NEGR1: variants seen among roughly 807,000 people sequenced by gnomAD.
NEGR1 encodes the protein IgLON family member 4.
A neutral mutation model predicts 40.9 loss-of-function variants in NEGR1; 10 were observed. The observed-to-expected ratio is 0.24, with a 90% CI of 0.15 to 0.42. NEGR1 has a LOEUF of 0.42. NEGR1 is among the 10% of genes least tolerant of loss of function. NEGR1 has a pLI of 1.00. For synonymous variants in NEGR1, 185 were observed against 166.8 expected (o/e 1.11, Z -0.84); for missense variants, 352 against 438.9 (o/e 0.80, Z 1.77).
chr1:72,133,146 C>A (rs1044586813), intron 1 of NEGR1, among the ~76,000 whole-genome samples: 1 of 151,994 alleles, frequency 6.6e-6, no homozygotes, highest in African/African-American at 2.4e-5. Flanking sequence ...ACCTGTAAAT[C>A]AATCCATATC....
intron 2 of NEGR1, among the ~76,000 whole-genome samples, chr1:71,832,461 A>G (rs1226254432): frequency 6.6e-6 from 1 of 152,036 alleles, no homozygotes; most frequent in Non-Finnish European, 1.5e-5. Context: ...CATGTGTCAA[A>G]CCAAATTAAA....
At chr1:72,036,305 T>A (rs149451551) in intron 1 of NEGR1, among the ~76,000 whole-genome samples, 30 of 152,184 alleles carry the variant, frequency 2.0e-4, no homozygotes, top group African/African-American at 6.5e-4. Flanking sequence ...TTTACATGTG[T>A]GTAAAGCCCT....
intron 2 of NEGR1, among the ~76,000 whole-genome samples, chr1:71,878,970 C>T (rs550575101): frequency 1.3e-5 from 2 of 152,082 alleles, no homozygotes; most frequent in East Asian, 1.9e-4. Context: ...CCCGTCTCTA[C>T]TAAAAATATA....
intron 3 of NEGR1, among the ~76,000 whole-genome samples, chr1:71,728,593 C>T (rs1394174318): frequency 1.3e-5 from 2 of 151,834 alleles, no homozygotes; most frequent in Non-Finnish European, 2.9e-5. Flanking sequence ...TCTAACGTTG[C>T]TTTTTTCTCT....
intron 1 of NEGR1, among the ~76,000 whole-genome samples, chr1:72,080,144 C>A (rs928494445): frequency 1.3e-5 from 2 of 152,066 alleles, no homozygotes; most frequent in South Asian, 2.1e-4. Context: ...GTCTTCACAA[C>A]TGATATTTGA....
intron 4 of NEGR1, among the ~76,000 whole-genome samples, chr1:71,684,943 C>T (rs1652977174): frequency 1.3e-5 from 2 of 152,118 alleles, no homozygotes; most frequent in African/African-American, 4.8e-5. Context: ...TTTTGAATTG[C>T]TTCAATACAT....
chr1:72,126,169 G>A (rs1650015803), intron 1 of NEGR1, among the ~76,000 whole-genome samples: 1 of 151,576 alleles, frequency 6.6e-6, no homozygotes. Flanking sequence ...CGGAGAGAGG[G>A]AGAGAGAACG....
At chr1:71,842,523 T>C (rs1430657673) in intron 2 of NEGR1, among the ~76,000 whole-genome samples, 5 of 152,164 alleles carry the variant, frequency 3.3e-5, no homozygotes, top group Non-Finnish European at 7.4e-5. Flanking sequence ...TTTTTCATTA[T>C]AGTTAGTAAA....
At position 72,028,285 on chromosome 1, in the gene NEGR1, T is replaced by C. The variant is rs143149479; in HGVS notation, c.177-92974A>G. Reference sequence around the variant, plus strand: ...CAGCTTTCAAGTGGACTCTGTGTCATCCTTGCTTTAATCTTTCACCTCTAT... The same window carrying C: ...CAGCTTTCAAGTGGACTCTGTGTCACCCTTGCTTTAATCTTTCACCTCTAT... On this transcript the variant is annotated intron_variant, in intron 1 of 6. Transcript: ENST00000357731. Among the ~76,000 whole-genome samples the C allele has an allele frequency of 4.1e-3, 629 of 152,294 alleles. 7 individuals carry two copies. The highest frequency in any genetic ancestry group is 0.014 in the African/African-American group (602 of 41,560).
chr1:71,756,238 G>A (rs923622981), intron 3 of NEGR1, among the ~76,000 whole-genome samples: 1 of 151,994 alleles, frequency 6.6e-6, no homozygotes, highest in African/African-American at 2.4e-5. Context: ...TCTGAAAAGT[G>A]TCATCTAAGA....
At chr1:71,430,325 C>G (rs1288831194) in intron 6 of NEGR1, among the ~76,000 whole-genome samples, 1 of 152,170 alleles carries the variant, frequency 6.6e-6, no homozygotes, top group Non-Finnish European at 1.5e-5. Flanking sequence ...GACCTGGCCT[C>G]TGCTGGGTAT....
chr1:71,975,796 T>TA (rs1432095106), intron 1 of NEGR1, among the ~76,000 whole-genome samples: 2 of 152,228 alleles, frequency 1.3e-5, no homozygotes, highest in Non-Finnish European at 2.9e-5. Context: ...AAACTTTAGA[T>TA]AAAATAGATA....
chr1:71,532,411 T>C (rs1647383869), intron 6 of NEGR1, among the ~76,000 whole-genome samples: 1 of 151,582 alleles, frequency 6.6e-6, no homozygotes, highest in South Asian at 2.1e-4. Flanking sequence ...TACTATAATA[T>C]TGCAAGAGTA....
intron 3 of NEGR1, among the ~76,000 whole-genome samples, chr1:71,755,031 C>A (rs1266775225): frequency 6.6e-6 from 1 of 152,172 alleles, no homozygotes; most frequent in Non-Finnish European, 1.5e-5. Context: ...CTTCATATAT[C>A]CAATTATTCA....
At chr1:72,171,310 AAATTTGTGTGC>A in intron 1 of NEGR1, among the ~76,000 whole-genome samples, 1 of 152,208 alleles carries the variant, frequency 6.6e-6, no homozygotes, top group East Asian at 1.9e-4. Context: ...ATATCTCTCT[AAATTTGTGTGC>A]ATACATGGAA....
intron 1 of NEGR1, among the ~76,000 whole-genome samples, chr1:72,004,499 G>A (rs1334650656): frequency 6.6e-6 from 1 of 151,994 alleles, no homozygotes; most frequent in Non-Finnish European, 1.5e-5. Context: ...TGTCAGGCTG[G>A]TCTCAGACTC....
At chr1:71,442,965 G>A (rs1474685648) in intron 6 of NEGR1, among the ~76,000 whole-genome samples, 2 of 152,140 alleles carry the variant, frequency 1.3e-5, no homozygotes, top group African/African-American at 4.8e-5. Flanking sequence ...GTTACTTTGT[G>A]GATCTGTACA....
chr1:71,854,681 GAGA>G (rs1242193206), intron 2 of NEGR1, among the ~76,000 whole-genome samples: 2 of 152,046 alleles, frequency 1.3e-5, no homozygotes, highest in African/African-American at 4.8e-5. Flanking sequence ...GAAGGCAAAG[GAGA>G]AGAAGGCACC....
intron 1 of NEGR1, among the ~76,000 whole-genome samples, chr1:72,139,572 T>C (rs761584916): frequency 5.9e-5 from 9 of 152,030 alleles, no homozygotes; most frequent in Non-Finnish European, 1.2e-4. Context: ...AAACAAAATA[T>C]GAAAGCACAC....
Sources: allele counts gnomAD v4.1 joint callset (sites outside exome capture counted in the v4.1 genomes callset), GRCh38; gene constraint gnomAD v4.1.1; transcripts MANE v1.5; gene names NCBI Gene and HGNC (gene_info 2026-07-23, HGNC 2026-07-21).